TAFA2: variants seen among roughly 807,000 people sequenced by gnomAD.
The protein encoded by TAFA2 is TAFA chemokine like family member 2.
Under a neutral mutation model 18.8 loss-of-function variants are expected in TAFA2, and 7 were observed. The observed-to-expected ratio is 0.37, with a 90% CI of 0.21 to 0.70. TAFA2 has a LOEUF of 0.70. Ranked by LOEUF, TAFA2 falls within the 30% of genes least tolerant of loss-of-function variation. The probability of loss-of-function intolerance (pLI) is 0.53; values close to 1 mark genes in which losing one functional copy is unlikely to be tolerated. For missense variants in TAFA2, 122 were observed against 158.1 expected, an observed-to-expected ratio of 0.77 and a Z score of 1.23; for synonymous variants, 60 against 54.2, an observed-to-expected ratio of 1.11 and a Z score of -0.47.
chr12:62,165,271 C>T (rs77453541), intron 1 of TAFA2, among the ~76,000 whole-genome samples: 2,930 of 152,116 alleles, frequency 0.019, 91 homozygotes, highest in African/African-American at 0.066. Flanking sequence ...AGCAACACCA[C>T]GCTAAACCAA....
intron 1 of TAFA2, among the ~76,000 whole-genome samples, chr12:62,122,560 G>T (rs1870244872): frequency 6.6e-6 from 1 of 152,092 alleles, no homozygotes; most frequent in Non-Finnish European, 1.5e-5. Context: ...GGGAAATAAG[G>T]CATAAAGAGG....
intron 1 of TAFA2, among the ~76,000 whole-genome samples, chr12:62,011,509 C>A (rs952155018): frequency 6.6e-6 from 1 of 152,026 alleles, no homozygotes; most frequent in Admixed American, 6.5e-5. Flanking sequence ...GGATTAAGGG[C>A]GGTGCAAGAT....
intron 1 of TAFA2, among the ~76,000 whole-genome samples, chr12:61,966,453 T>C (rs1313185544): frequency 2.6e-5 from 4 of 151,904 alleles, no homozygotes; most frequent in Non-Finnish European, 5.9e-5. Flanking sequence ...CCTAATCATC[T>C]CTTAAAGACC....
At chr12:61,995,637 G>C (rs1340473446) in intron 1 of TAFA2, among the ~76,000 whole-genome samples, 1 of 152,092 alleles carries the variant, frequency 6.6e-6, no homozygotes, top group African/African-American at 2.4e-5. Context: ...TGATAATTAT[G>C]TGCAAGATTT....
chr12:61,745,024 T>C (rs934574086), intron 4 of TAFA2, among the ~76,000 whole-genome samples: 1 of 152,118 alleles, frequency 6.6e-6, no homozygotes, highest in African/African-American at 2.4e-5. Context: ...GTGTTATGTT[T>C]CACATCTCCA....
At chr12:61,808,889 T>TA (rs1187753824) in intron 2 of TAFA2, among the ~76,000 whole-genome samples, 7 of 151,588 alleles carry the variant, frequency 4.6e-5, no homozygotes, top group Admixed American at 6.5e-5. Flanking sequence ...CTAATTGTGT[T>TA]ATCTAAATTG....
At chr12:61,904,021 T>C (rs569088828) in intron 1 of TAFA2, among the ~76,000 whole-genome samples, 1 of 152,344 alleles carries the variant, frequency 6.6e-6, no homozygotes, top group East Asian at 1.9e-4. Context: ...GATTTCTGTA[T>C]CTTCAAAGCT....
chr12:61,757,613 CA>C (rs1869336302), intron 2 of TAFA2, among the ~76,000 whole-genome samples: 1 of 151,418 alleles, frequency 6.6e-6, no homozygotes, highest in African/African-American at 2.4e-5. Context: ...AAGGTTTCAC[CA>C]ATAGAAAAAG....
intron 1 of TAFA2, among the ~76,000 whole-genome samples, chr12:62,225,584 T>C (rs761539533): frequency 1.3e-5 from 2 of 151,932 alleles, no homozygotes; most frequent in Non-Finnish European, 2.9e-5. Context: ...TATTGCAACA[T>C]ACAAATAAAT....
chr12:62,178,976 A>G, intron 1 of TAFA2, among the ~76,000 whole-genome samples: 1 of 152,182 alleles, frequency 6.6e-6, no homozygotes, highest in East Asian at 1.9e-4. Context: ...TCTCTATCAG[A>G]GTTTCCTTAC....
chr12:61,930,760 T>C (rs1011794893), intron 1 of TAFA2, among the ~76,000 whole-genome samples: 1 of 152,228 alleles, frequency 6.6e-6, no homozygotes, highest in Non-Finnish European at 1.5e-5. Context: ...TTTTTTGTCT[T>C]CCTCTTACAT....
intron 1 of TAFA2, among the ~76,000 whole-genome samples, chr12:62,115,432 C>T (rs1279558883): frequency 6.6e-6 from 1 of 152,008 alleles, no homozygotes; most frequent in Non-Finnish European, 1.5e-5. Flanking sequence ...CAAGCCATGC[C>T]GCAGCTCAAT....
intron 1 of TAFA2, among the ~76,000 whole-genome samples, chr12:62,113,527 A>G (rs1869827237): frequency 1.3e-5 from 2 of 152,018 alleles, no homozygotes; most frequent in Admixed American, 6.5e-5. Flanking sequence ...GTACTGTGCT[A>G]GGAGATCCAC....
At chr12:62,186,357 C>T (rs890345367) in intron 1 of TAFA2, among the ~76,000 whole-genome samples, 1 of 152,030 alleles carries the variant, frequency 6.6e-6, no homozygotes, top group Admixed American at 6.6e-5. Context: ...ACAAACCTTG[C>T]ATTCATCAAA....
At chr12:61,931,055 A>G (rs1312820688) in intron 1 of TAFA2, among the ~76,000 whole-genome samples, 2 of 152,240 alleles carry the variant, frequency 1.3e-5, no homozygotes, top group Non-Finnish European at 2.9e-5. Context: ...ATGACATGCC[A>G]TATAGCTAAA....
intron 1 of TAFA2, among the ~76,000 whole-genome samples, chr12:62,074,967 G>T (rs567769209): frequency 6.6e-6 from 1 of 152,078 alleles, no homozygotes; most frequent in Non-Finnish European, 1.5e-5. Flanking sequence ...CTCCCAAAGT[G>T]CTGGGATTAC....
At chr12:62,108,656 C>T (rs1869576066) in intron 1 of TAFA2, among the ~76,000 whole-genome samples, 1 of 152,122 alleles carries the variant, frequency 6.6e-6, no homozygotes, top group Non-Finnish European at 1.5e-5. Context: ...CTGTTGTTTC[C>T]TGACTTTTTA....
chr12:62,088,906 ATCTC>A (rs755284044), intron 1 of TAFA2, among the ~76,000 whole-genome samples: 2 of 127,282 alleles, frequency 1.6e-5, no homozygotes, highest in Admixed American at 1.6e-4. Context: ...CTCTCTCTCT[ATCTC>A]TGTGTGTGTG....
At chr12:61,978,689 A>T (rs1383768586) in intron 1 of TAFA2, among the ~76,000 whole-genome samples, 1 of 152,080 alleles carries the variant, frequency 6.6e-6, no homozygotes, top group African/African-American at 2.4e-5. Flanking sequence ...CAGGGCCTCA[A>T]CCAAGACCTA....
Sources: allele counts gnomAD v4.1 joint callset (sites outside exome capture counted in the v4.1 genomes callset), GRCh38; gene constraint gnomAD v4.1.1; transcripts MANE v1.5; gene names NCBI Gene and HGNC (gene_info 2026-07-23, HGNC 2026-07-21).